The following NUP58 variants were observed in gnomAD, a reference collection of about 807,000 sequenced individuals.
NUP58 encodes the protein nucleoporin p58/p45.
A neutral mutation model predicts 70.1 loss-of-function variants in NUP58; 17 were observed. That is an observed-to-expected ratio of 0.24 (90% CI 0.17 to 0.36). NUP58 has a LOEUF of 0.36. NUP58 is among the 10% of genes least tolerant of loss of function. The pLI is 1.00. For missense variants in NUP58, 644 were observed against 701.5 expected, an observed-to-expected ratio of 0.92 and a Z score of 0.93; for synonymous variants, 275 against 257.6, an observed-to-expected ratio of 1.07 and a Z score of -0.65.
downstream of NUP58, among the ~76,000 whole-genome samples, chr13:25,346,948 G>A (rs1489230124): frequency 1.3e-5 from 2 of 152,136 alleles, no homozygotes; most frequent in Non-Finnish European, 2.9e-5. Flanking sequence ...GAGGAGGTTT[G>A]TATCCCTTAT....
At chr13:25,334,471 T>A (rs1490176094) in intron 13 of NUP58, 32 of 985,024 alleles carry the variant, frequency 3.2e-5, no homozygotes, top group Non-Finnish European at 3.7e-5. Flanking sequence ...TAAGGTGTAG[T>A]GTTAAATAGG....
chr13:25,303,030 T>C, intron 1 of NUP58: 1 of 456,422 alleles, frequency 2.2e-6, no homozygotes, highest in South Asian at 1.6e-5. Flanking sequence ...CTTGCTCTCT[T>C]GATCCTTACA....
intron 3 of NUP58, among the ~76,000 whole-genome samples, chr13:25,347,728 A>C (rs1226537918): frequency 6.6e-6 from 1 of 152,214 alleles, no homozygotes; most frequent in Admixed American, 6.5e-5. Context: ...GAAGGCCATA[A>C]TGGAGCTTGT....
intron 14 of NUP58, among the ~76,000 whole-genome samples, chr13:25,338,151 GT>G (rs767070607): frequency 2.0e-5 from 3 of 152,142 alleles, no homozygotes; most frequent in Non-Finnish European, 2.9e-5. Flanking sequence ...GTTATGCAGA[GT>G]TTTTCAGCGT....
At chr13:25,307,508 C>T (rs1032907008) in intron 1 of NUP58, among the ~76,000 whole-genome samples, 10 of 152,054 alleles carry the variant, frequency 6.6e-5, no homozygotes, top group Admixed American at 2.0e-4. Context: ...GCCACCACAC[C>T]CAGCCTGAAA....
intron 4 of NUP58, 74 bp downstream of exon 4, chr13:25,313,106 C>T (rs532836784): frequency 1.4e-5 from 21 of 1,455,738 alleles, no homozygotes; most frequent in Non-Finnish European, 2.0e-5. Flanking sequence ...CATAGATAGT[C>T]ACCTTACTAC....
rs369993692 is a variant in NUP58 at position 25,335,064 on chromosome 13, A to G, written c.1436-1872A>G. On this transcript the variant is annotated intron_variant, in intron 13 of 15. Transcript: ENST00000381736. ...GTGTAATATATGCTAATACTTTGGC[A>G]TGGGAGATATTTATCATGAGTTTTT... is the stretch of plus-strand genomic sequence containing the variant. The G allele has an allele frequency of 1.6e-3, 1,622 of 985,146 alleles. 62 individuals are homozygous for G. In the South Asian group the frequency reaches 0.069, roughly 42 times the overall value. The allele number at this position is 985,146 out of a possible 1,614,324, so 61.0% of individuals were successfully genotyped here.
intron 13 of NUP58, chr13:25,333,472 T>C: frequency 1.0e-6 from 1 of 985,458 alleles, no homozygotes; most frequent in Non-Finnish European, 1.2e-6. Flanking sequence ...TCTCATCAGA[T>C]GGCAGAAATT....
chr13:25,309,392 A>G, intron 3 of NUP58, 110 bp downstream of exon 3: 1 of 837,572 alleles, frequency 1.2e-6, no homozygotes, highest in Non-Finnish European at 1.8e-6. Context: ...GCTGGAGTAT[A>G]GAAAAAAGTG....
intron 13 of NUP58, chr13:25,333,572 A>G (rs1486802719): frequency 1.0e-6 from 1 of 985,244 alleles, no homozygotes; most frequent in East Asian, 1.1e-4. Flanking sequence ...AGTGATAACA[A>G]TTTTACATTA....
At chr13:25,306,161 T>G (rs1254532374) in intron 1 of NUP58, among the ~76,000 whole-genome samples, 1 of 152,080 alleles carries the variant, frequency 6.6e-6, no homozygotes, top group African/African-American at 2.4e-5. Context: ...ATCCCAGCAC[T>G]TTGGGAGGCC....
At chr13:25,306,282 A>G (rs927298809) in intron 1 of NUP58, among the ~76,000 whole-genome samples, 1 of 151,094 alleles carries the variant, frequency 6.6e-6, no homozygotes, top group South Asian at 2.1e-4. Context: ...GCAGGCACCT[A>G]TAGTCTGAGC....
chr13:25,338,419 C>T (rs115074562), intron 14 of NUP58, among the ~76,000 whole-genome samples: 26 of 152,180 alleles, frequency 1.7e-4, no homozygotes, highest in Non-Finnish European at 2.9e-4. Flanking sequence ...ATTGATGGGT[C>T]ACAAACTTAG....
intron 6 of NUP58, 70 bp downstream of exon 6, chr13:25,315,537 C>A: frequency 9.6e-7 from 1 of 1,045,590 alleles, no homozygotes; most frequent in South Asian, 1.4e-5. Context: ...GCTCAAAATT[C>A]CTTTGTGTGG....
chr13:25,346,769 T>C (rs2032055778), downstream of NUP58, among the ~76,000 whole-genome samples: 1 of 151,604 alleles, frequency 6.6e-6, no homozygotes, highest in Non-Finnish European at 1.5e-5. Context: ...ATGAGGAGAT[T>C]AATTTGGCCT....
intron 3 of NUP58, among the ~76,000 whole-genome samples, chr13:25,348,099 C>T (rs1422630127): frequency 6.6e-6 from 1 of 152,046 alleles, no homozygotes; most frequent in Non-Finnish European, 1.5e-5. Context: ...GTGTGGTGGG[C>T]GTGATTGAGG....
chr13:25,331,666 A>G, intron 13 of NUP58, 108 bp downstream of exon 13: 1 of 1,501,258 alleles, frequency 6.7e-7, no homozygotes, highest in South Asian at 1.3e-5. Context: ...TTCTATGAGT[A>G]GCTGTTCCAA....
At chr13:25,328,381 T>C (rs1312452128) in intron 12 of NUP58, among the ~76,000 whole-genome samples, 1 of 148,568 alleles carries the variant, frequency 6.7e-6, no homozygotes, top group East Asian at 2.0e-4. Flanking sequence ...ACTGAATATT[T>C]AGACTGACTC....
At chr13:25,345,215 A>G (rs943325258), downstream of NUP58, among the ~76,000 whole-genome samples, 5 of 152,224 alleles carry the variant, frequency 3.3e-5, no homozygotes, top group Non-Finnish European at 1.5e-5. Flanking sequence ...TTGAGGTCGC[A>G]TAGCTAAGTC....
Sources: gnomAD v4.1 joint callset for allele counts (sites outside exome capture counted in the v4.1 genomes callset) on GRCh38, gnomAD v4.1.1 for gene constraint, MANE v1.5 for transcripts, NCBI Gene and HGNC (gene_info 2026-07-23, HGNC 2026-07-21) for gene names.